Variants in SORCS2 observed in about 807,000 individuals in gnomAD.
SORCS2 encodes the protein sortilin related VPS10 domain containing receptor 2, also known as VPS10 domain-containing receptor SorCS2.
In SORCS2, 100 loss-of-function variants were observed where a neutral mutation model predicts 141.6. The observed-to-expected ratio is 0.71, with a 90% CI of 0.60 to 0.83. The LOEUF is 0.83. Among genes scored for constraint, SORCS2 ranks in the 40% least tolerant of loss-of-function variants. The probability of loss-of-function intolerance (pLI) is 0.00; values close to 1 mark genes in which losing one functional copy is unlikely to be tolerated. For missense variants in SORCS2, 1,646 were observed against 1,560.2 expected, an observed-to-expected ratio of 1.05 and a Z score of -0.93; for synonymous variants, 789 against 676.9, an observed-to-expected ratio of 1.17 and a Z score of -2.57.
At chr4:7,687,245 G>A (rs991514781) in intron 10 of SORCS2, among the ~76,000 whole-genome samples, 2 of 152,140 alleles carry the variant, frequency 1.3e-5, no homozygotes, top group African/African-American at 4.8e-5. Flanking sequence ...TCCTTCTCCT[G>A]ATTAGAGCTC....
At chr4:7,573,110 C>G (rs1309893089) in intron 3 of SORCS2, among the ~76,000 whole-genome samples, 1 of 152,198 alleles carries the variant, frequency 6.6e-6, no homozygotes, top group African/African-American at 2.4e-5. Flanking sequence ...AACAGCCTGC[C>G]TTCAATTCCC....
intron 14 of SORCS2, among the ~76,000 whole-genome samples, chr4:7,711,090 TC>T (rs1725801545): frequency 6.6e-6 from 1 of 152,026 alleles, no homozygotes; most frequent in African/African-American, 2.4e-5. Context: ...GGGGGGAAGG[TC>T]CAGCTAAGAC....
chr4:7,742,806 A>C lies in SORCS2; in HGVS notation c.*2542A>C, dbSNP rs1712768392. ...GAATCATTTGTGATGCTTTTAACAAAGATTAAATGAATTTGATCAGCTTTT... is the reference window on the plus strand; with the variant it reads ...GAATCATTTGTGATGCTTTTAACAACGATTAAATGAATTTGATCAGCTTTT... On this transcript the variant is annotated 3_prime_UTR_variant, in exon 27 of 27. Coordinates refer to ENST00000507866, the MANE Select transcript of SORCS2 (RefSeq NM_020777.3). 1 of 152,566 alleles carries C rather than the reference A, an allele frequency of 6.6e-6. No homozygotes were observed. The highest frequency in any genetic ancestry group is 1.5e-5 in the Non-Finnish European group (1 of 68,042). The allele number at this position is 152,566 out of a possible 1,614,324, so 9.5% of individuals were successfully genotyped here.
chr4:7,370,063 C>G (rs1722150259), intron 1 of SORCS2, among the ~76,000 whole-genome samples: 1 of 152,202 alleles, frequency 6.6e-6, no homozygotes, highest in Non-Finnish European at 1.5e-5. Context: ...TAGGAATGGC[C>G]TCAGTGCCCC....
intron 1 of SORCS2, among the ~76,000 whole-genome samples, chr4:7,275,981 T>G (rs1250480206): frequency 6.6e-6 from 1 of 151,910 alleles, no homozygotes; most frequent in Admixed American, 6.6e-5. Flanking sequence ...GCTTGGAGAG[T>G]GTGAGACGGT....
At chr4:7,724,432 ATAATGGTGACAATGGTGG>A (rs1172141138) in intron 19 of SORCS2, among the ~76,000 whole-genome samples, 50 of 107,854 alleles carry the variant, frequency 4.6e-4, no homozygotes, top group East Asian at 1.4e-3. Flanking sequence ...GGTGGTGGTG[ATAATGGTGACAATGGTGG>A]TGGTGATGGT....
At chr4:7,450,593 A>G (rs1385866827) in intron 2 of SORCS2, among the ~76,000 whole-genome samples, 1 of 152,190 alleles carries the variant, frequency 6.6e-6, no homozygotes, top group Non-Finnish European at 1.5e-5. Context: ...CTTCTCTCAC[A>G]CACATATGTT....
intron 2 of SORCS2, among the ~76,000 whole-genome samples, chr4:7,416,746 A>G (rs1006625448): frequency 6.6e-6 from 1 of 151,168 alleles, no homozygotes; most frequent in South Asian, 2.1e-4. Context: ...ATGCACACAC[A>G]CTTGTGCGCA....
At position 7,711,840 on chromosome 4, in the gene SORCS2, C is replaced by T. The variant is rs149935603; in HGVS notation, c.1869-893C>T. The stretch of plus-strand genomic sequence containing the variant: ...GCATAGCTTCCAGCACCCATGGATG[C>T]CGCAGGGTGCCTCCCCACCTCCAAG... On this transcript the variant is annotated intron_variant, in intron 14 of 26. Coordinates refer to ENST00000507866, the MANE Select transcript of SORCS2 (RefSeq NM_020777.3). Among the ~76,000 whole-genome samples the T allele has an allele frequency of 6.4e-4, 97 of 152,336 alleles. No individual in the cohort carries two copies. In the East Asian group the frequency reaches 0.019, roughly 29 times the overall value.
At position 7,339,192 on chromosome 4, in the gene SORCS2, C is replaced by T. The variant is rs1026816653; in HGVS notation, c.481-57096C>T. On this transcript the variant is annotated intron_variant, in intron 1 of 26. Coordinates refer to ENST00000507866, the MANE Select transcript of SORCS2 (RefSeq NM_020777.3). ...GCCCATGGAGCGCTGCCCTTTTTCT[C>T]ACCCCTCCGTGTGCACAGCTACTCT... Among the ~76,000 whole-genome samples the T allele has an allele frequency of 3.3e-5, 5 of 152,354 alleles. No homozygotes were observed. In the South Asian group the frequency reaches 6.2e-4, roughly 19 times the overall value.
At chr4:7,707,980 A>G (rs1725578592) in intron 14 of SORCS2, among the ~76,000 whole-genome samples, 1 of 152,106 alleles carries the variant, frequency 6.6e-6, no homozygotes, top group African/African-American at 2.4e-5. Flanking sequence ...TGGACAGTGG[A>G]CTGCACACGC....
intron 2 of SORCS2, among the ~76,000 whole-genome samples, chr4:7,447,274 C>T (rs1030448316): frequency 3.1e-4 from 47 of 152,138 alleles, no homozygotes; most frequent in African/African-American, 1.1e-3. Flanking sequence ...TGGATCATGT[C>T]ATCCTGAGCA....
intron 1 of SORCS2, among the ~76,000 whole-genome samples, chr4:7,350,900 C>T (rs1157717377): frequency 1.3e-5 from 2 of 152,138 alleles, no homozygotes. Flanking sequence ...GGGACAGGGG[C>T]CCACCCAACT....
intron 3 of SORCS2, among the ~76,000 whole-genome samples, chr4:7,604,286 G>A (rs1717919289): frequency 6.6e-6 from 1 of 152,216 alleles, no homozygotes; most frequent in Non-Finnish European, 1.5e-5. Context: ...GTGGTAGTGA[G>A]AGAGTTTCAC....
chr4:7,251,284 G>T (rs1417580058), intron 1 of SORCS2, among the ~76,000 whole-genome samples: 1 of 152,174 alleles, frequency 6.6e-6, no homozygotes, highest in Non-Finnish European at 1.5e-5. Context: ...TCTGCTAAGG[G>T]ATTTGCTCTG....
At chr4:7,453,794 AGCTGTGTGTTAGGGTCAGGT>A (rs1728665065) in intron 2 of SORCS2, among the ~76,000 whole-genome samples, 1 of 70,848 alleles carries the variant, frequency 1.4e-5, no homozygotes, top group Non-Finnish European at 2.6e-5. Context: ...TGGGGTCAGG[AGCTGTGTGTTAGGGTCAGGT>A]GCTGTGTTGG....
intron 2 of SORCS2, among the ~76,000 whole-genome samples, chr4:7,396,711 G>A (rs1248079135): frequency 2.0e-5 from 3 of 152,272 alleles, no homozygotes; most frequent in African/African-American, 4.8e-5. Context: ...AACTTCACAC[G>A]CAGCTCCTGG....
intron 15 of SORCS2, among the ~76,000 whole-genome samples, chr4:7,713,993 T>C (rs1726004629): frequency 6.6e-6 from 1 of 152,220 alleles, no homozygotes; most frequent in African/African-American, 2.4e-5. Flanking sequence ...CCAGCAGCTC[T>C]GCGACCCCTC....
At chr4:7,659,491 G>A (rs913138675) in intron 5 of SORCS2, among the ~76,000 whole-genome samples, 1 of 151,994 alleles carries the variant, frequency 6.6e-6, no homozygotes, top group Admixed American at 6.5e-5. Flanking sequence ...GAACCCCTGT[G>A]AGCCAGGTGG....
Sources: gnomAD v4.1 joint callset for allele counts (sites outside exome capture counted in the v4.1 genomes callset) on GRCh38, gnomAD v4.1.1 for gene constraint, MANE v1.5 for transcripts, NCBI Gene and HGNC (gene_info 2026-07-23, HGNC 2026-07-21) for gene names.